Variants in PPP1R7 observed in about 807,000 individuals in gnomAD.
PPP1R7 encodes the protein protein phosphatase 1 regulatory subunit 22.
In PPP1R7, 18 loss-of-function variants were observed where a neutral mutation model predicts 45.2. The ratio of observed to expected loss-of-function variants is 0.40; its 90% CI spans 0.28 to 0.59. The LOEUF is 0.59. Among genes scored for constraint, PPP1R7 ranks in the 20% least tolerant of loss-of-function variants. PPP1R7 has a pLI of 0.46. For synonymous variants in PPP1R7, 181 were observed against 183.4 expected, an observed-to-expected ratio of 0.99 and a Z score of 0.11; for missense variants, 314 against 455.8, an observed-to-expected ratio of 0.69 and a Z score of 2.83.
chr2:241,159,529 C>T (rs1379958739), intron 5 of PPP1R7, among the ~76,000 whole-genome samples, 186 bp downstream of exon 5: 3 of 152,182 alleles, frequency 2.0e-5, no homozygotes, highest in Non-Finnish European at 4.4e-5. Flanking sequence ...GAGGCCTCAT[C>T]GGCTTCATGC....
chr2:241,166,360 G>C lies in PPP1R7; in HGVS notation c.738G>C (p.Glu246Asp). The C allele has an allele frequency of 6.2e-7, 1 of 1,614,040 alleles. No homozygotes were observed. Among genetic ancestry groups the C allele is most frequent in the Middle Eastern group, 1.6e-4 (1 of 6,062 alleles). ...AGAGCAACCGGCTGACCAAGATCGA[G>C]GGTCTGCAGAACCTGGTGAACCTGC... ...SMQSNRLTKI[E>D]GLQNLVNLRE... The change falls in exon 8 of 10, where the codon GAG (glutamate) becomes GAC (aspartate). Residue 246 changes from glutamate to aspartate, a missense_variant. Physicochemically the swap from Glu to Asp is conservative, Grantham distance 45 (BLOSUM62 2). Around this residue, in one of 3 missense-constraint regions of PPP1R7, gnomAD observed 168 missense variants for 285.3 expected, o/e 0.59. Transcript: ENST00000234038.
chr2:241,169,306 C>T (rs1490716679), intron 8 of PPP1R7, among the ~76,000 whole-genome samples: 4 of 152,216 alleles, frequency 2.6e-5, no homozygotes, highest in East Asian at 1.9e-4. Flanking sequence ...ATTCTTAGCC[C>T]CACTGAGCCC....
chr2:241,176,699 G>T (rs2067913044), intron 9 of PPP1R7, among the ~76,000 whole-genome samples: 1 of 151,994 alleles, frequency 6.6e-6, no homozygotes. Context: ...GGCCTCCAGT[G>T]ATCTGCCTGC....
chr2:241,150,304 G>C, upstream of PPP1R7: 1 of 1,334,352 alleles, frequency 7.5e-7, no homozygotes, highest in Non-Finnish European at 9.6e-7. Flanking sequence ...GAAATTACCT[G>C]CTCTGGGGGA....
chr2:241,159,020 T>A, intron 4 of PPP1R7, 193 bp from the exon 5 acceptor site: 1 of 622,104 alleles, frequency 1.6e-6, no homozygotes, highest in South Asian at 1.9e-5. Flanking sequence ...CTTCCTCAGG[T>A]GTGTTAAGGA....
intron 8 of PPP1R7, chr2:241,167,082 C>A: frequency 7.4e-6 from 12 of 1,611,450 alleles, no homozygotes; most frequent in Non-Finnish European, 1.0e-5. Context: ...GAAGTGTGCT[C>A]ACAGAGCCCC....
At chr2:241,168,406 A>G (rs2067757658) in intron 8 of PPP1R7, among the ~76,000 whole-genome samples, 1 of 152,154 alleles carries the variant, frequency 6.6e-6, no homozygotes, top group Admixed American at 6.5e-5. Flanking sequence ...CCAGATGACC[A>G]TGAGCATCTC....
At chr2:241,157,745 C>T (rs2067490855) in intron 2 of PPP1R7, 62 bp from the exon 3 acceptor site, 1 of 1,514,926 alleles carries the variant, frequency 6.6e-7, no homozygotes, top group Non-Finnish European at 9.1e-7. Context: ...CCAGAAGCAG[C>T]TCTTCACCAG....
chr2:241,164,601 C>T (rs2067666061), intron 7 of PPP1R7, among the ~76,000 whole-genome samples: 1 of 152,162 alleles, frequency 6.6e-6, no homozygotes, highest in African/African-American at 2.4e-5. Flanking sequence ...TGTCAGGCTT[C>T]TTTAAGAAAG....
intron 9 of PPP1R7, among the ~76,000 whole-genome samples, chr2:241,176,212 C>T (rs2149070063): frequency 1.3e-5 from 2 of 152,290 alleles, no homozygotes; most frequent in South Asian, 4.1e-4. Flanking sequence ...CATGCCCAGT[C>T]AGTGCCTGAA....
At chr2:241,171,576 A>G (rs1322238587) in intron 9 of PPP1R7, among the ~76,000 whole-genome samples, 2 of 152,228 alleles carry the variant, frequency 1.3e-5, no homozygotes, top group Non-Finnish European at 2.9e-5. Flanking sequence ...CTGATAACCC[A>G]CATACTATGT....
intron 7 of PPP1R7, among the ~76,000 whole-genome samples, chr2:241,165,175 GTTT>G (rs552300983): frequency 6.6e-6 from 1 of 150,804 alleles, no homozygotes; most frequent in African/African-American, 2.4e-5. Context: ...CTTTTTTTTG[GTTT>G]TTTTTTGAGA....
intron 9 of PPP1R7, among the ~76,000 whole-genome samples, chr2:241,177,105 C>T (rs1387823137): frequency 6.6e-6 from 1 of 152,240 alleles, no homozygotes; most frequent in Admixed American, 6.5e-5. Flanking sequence ...GCGGCATGCA[C>T]CTATAGTCTC....
intron 9 of PPP1R7, among the ~76,000 whole-genome samples, chr2:241,174,205 C>T (rs2067869815): frequency 6.6e-6 from 1 of 152,034 alleles, no homozygotes. Flanking sequence ...AAGCTGTGGC[C>T]CTCCTAGGAT....
intron 6 of PPP1R7, among the ~76,000 whole-genome samples, chr2:241,162,315 T>A (rs4675991): frequency 6.6e-6 from 1 of 152,016 alleles, no homozygotes; most frequent in Non-Finnish European, 1.5e-5. Flanking sequence ...GCATGCACCT[T>A]ATCTGGTTAT....
At chr2:241,160,850 C>T (rs1234073959) in intron 6 of PPP1R7, among the ~76,000 whole-genome samples, 1 of 152,164 alleles carries the variant, frequency 6.6e-6, no homozygotes, top group Admixed American at 6.5e-5. Context: ...CATGCTTCTT[C>T]GAGATGAAAG....
chr2:241,171,002 C>A (rs2067806146), intron 9 of PPP1R7, among the ~76,000 whole-genome samples: 1 of 152,046 alleles, frequency 6.6e-6, no homozygotes, highest in South Asian at 2.1e-4. Flanking sequence ...GGGAACAACA[C>A]AAAGAAACCA....
At chr2:241,159,069 G>T in intron 4 of PPP1R7, 144 bp from the exon 5 acceptor site, 3 of 1,067,464 alleles carry the variant, frequency 2.8e-6, no homozygotes, top group Non-Finnish European at 4.1e-6. Context: ...CCTCTCAAAG[G>T]TCAGCACCTT....
intron 4 of PPP1R7, chr2:241,158,807 T>G: frequency 4.0e-6 from 2 of 505,102 alleles, no homozygotes; most frequent in Non-Finnish European, 7.2e-6. Context: ...CTGCCTCGGT[T>G]TCTGTGCCTG....
Sources: allele counts gnomAD v4.1 joint callset (sites outside exome capture counted in the v4.1 genomes callset), GRCh38; gene constraint gnomAD v4.1.1; regional missense constraint gnomAD v4.1.1; transcripts MANE v1.5; gene names NCBI Gene and HGNC (gene_info 2026-07-23, HGNC 2026-07-21).